CDC14B: variants seen among roughly 807,000 people sequenced by gnomAD.
CDC14B encodes the protein cell division cycle 14B.
A neutral mutation model predicts 64.2 loss-of-function variants in CDC14B; 22 were observed. That is an observed-to-expected ratio of 0.34 (90% CI 0.24 to 0.49). CDC14B has a LOEUF of 0.49. Ranked by LOEUF, CDC14B falls within the 20% of genes least tolerant of loss-of-function variation. CDC14B has a pLI of 0.99. For synonymous variants in CDC14B, 191 were observed against 215.8 expected, an observed-to-expected ratio of 0.89 and a Z score of 1.01; for missense variants, 498 against 629.9, an observed-to-expected ratio of 0.79 and a Z score of 2.24.
intron 1 of CDC14B, among the ~76,000 whole-genome samples, chr9:96,598,292 A>T (rs1311442400): frequency 1.3e-5 from 2 of 152,228 alleles, no homozygotes; most frequent in Admixed American, 6.5e-5. Context: ...GATTGGCAAA[A>T]ATCTAAAAGT....
intron 9 of CDC14B, among the ~76,000 whole-genome samples, chr9:96,530,257 C>A (rs530722272): frequency 6.6e-6 from 1 of 150,622 alleles, no homozygotes; most frequent in South Asian, 2.1e-4. Flanking sequence ...CTAGCAGGGG[C>A]TCTGTGTGTG....
chr9:96,609,606 G>T (rs1408611869), intron 1 of CDC14B, among the ~76,000 whole-genome samples: 1 of 152,168 alleles, frequency 6.6e-6, no homozygotes, highest in East Asian at 1.9e-4. Context: ...CGCAAAGAAT[G>T]ATTCAGCTGA....
chr9:96,618,643 AG>A, intron 1 of CDC14B: 2 of 525,914 alleles, frequency 3.8e-6, no homozygotes. Flanking sequence ...GGGGCGCGCT[AG>A]GGGGCAGGGC....
chr9:96,518,026 C>T (rs1032154186), intron 12 of CDC14B, among the ~76,000 whole-genome samples: 4 of 151,966 alleles, frequency 2.6e-5, no homozygotes, highest in Non-Finnish European at 2.9e-5. Flanking sequence ...AGGAAGGAAA[C>T]CTCCTCCCAT....
intron 9 of CDC14B, among the ~76,000 whole-genome samples, chr9:96,524,303 C>A (rs149447169): frequency 1.8e-4 from 28 of 152,322 alleles, no homozygotes; most frequent in Admixed American, 7.8e-4. Flanking sequence ...TTCCTAAAAT[C>A]TTCCAGATGA....
At chr9:96,552,792 G>A (rs545756933) in intron 4 of CDC14B, among the ~76,000 whole-genome samples, 24 of 152,174 alleles carry the variant, frequency 1.6e-4, no homozygotes, top group Non-Finnish European at 2.6e-4. Context: ...ACTAATGTAC[G>A]GAAGGTTGGG....
intron 1 of CDC14B, among the ~76,000 whole-genome samples, chr9:96,606,845 C>T (rs1846976949): frequency 1.3e-5 from 2 of 151,904 alleles, no homozygotes; most frequent in South Asian, 4.2e-4. Flanking sequence ...GGATTACAGG[C>T]GTGAGCCACC....
intron 1 of CDC14B, 132 bp downstream of exon 1, chr9:96,619,087 G>A: frequency 1.6e-6 from 1 of 621,858 alleles, no homozygotes; most frequent in Non-Finnish European, 2.2e-6. Context: ...CGGCCGGGGC[G>A]TTTAAGGGGG....
At chr9:96,526,376 A>G (rs1837567483) in intron 9 of CDC14B, among the ~76,000 whole-genome samples, 2 of 152,306 alleles carry the variant, frequency 1.3e-5, no homozygotes, top group African/African-American at 4.8e-5. Flanking sequence ...TCAAAAAAAT[A>G]AAAGAAAGAG....
chr9:96,531,258 C>T (rs1191545388), intron 9 of CDC14B, among the ~76,000 whole-genome samples: 2 of 152,098 alleles, frequency 1.3e-5, no homozygotes, highest in Non-Finnish European at 2.9e-5. Flanking sequence ...ACTGGTGATG[C>T]TATCATGTCC....
downstream of CDC14B, among the ~76,000 whole-genome samples, chr9:96,497,957 G>C (rs560770286): frequency 6.6e-6 from 1 of 152,286 alleles, no homozygotes; most frequent in African/African-American, 2.4e-5. Context: ...TACAGCAAAA[G>C]CTTTAACGTC....
chr9:96,596,039 T>C (rs536501597), intron 1 of CDC14B, among the ~76,000 whole-genome samples: 9 of 152,090 alleles, frequency 5.9e-5, no homozygotes, highest in African/African-American at 1.9e-4. Flanking sequence ...CTGCATGATA[T>C]GTGAATTAGA....
intron 12 of CDC14B, among the ~76,000 whole-genome samples, chr9:96,517,250 GAGA>G (rs2131425126): frequency 6.6e-6 from 1 of 151,678 alleles, no homozygotes; most frequent in African/African-American, 2.4e-5. Context: ...GTTGGGGCAG[GAGA>G]ATTGCTTGAG....
At chr9:96,570,130 C>T (rs1031185858) in intron 1 of CDC14B, among the ~76,000 whole-genome samples, 1 of 152,172 alleles carries the variant, frequency 6.6e-6, no homozygotes, top group Non-Finnish European at 1.5e-5. Context: ...TAAAATCCAT[C>T]CTTGGGCCTA....
chr9:96,545,738 G>A (rs1318559311), intron 5 of CDC14B, among the ~76,000 whole-genome samples: 1 of 145,014 alleles, frequency 6.9e-6, no homozygotes, highest in African/African-American at 2.5e-5. Context: ...AGAACCTACT[G>A]TGGGGCACAG....
At chr9:96,546,069 C>T (rs1000719685) in intron 5 of CDC14B, among the ~76,000 whole-genome samples, 5 of 152,264 alleles carry the variant, frequency 3.3e-5, no homozygotes, top group Admixed American at 3.3e-4. Flanking sequence ...AGAAACTGCA[C>T]AACAATGTCA....
intron 3 of CDC14B, among the ~76,000 whole-genome samples, chr9:96,564,372 G>A (rs1012455749): frequency 6.6e-6 from 1 of 152,150 alleles, no homozygotes; most frequent in African/African-American, 2.4e-5. Flanking sequence ...AAAGTAAGAT[G>A]AGTCCAGCTT....
chr9:96,599,949 C>T (rs951114981), intron 1 of CDC14B, among the ~76,000 whole-genome samples: 1 of 152,146 alleles, frequency 6.6e-6, no homozygotes, highest in African/African-American at 2.4e-5. Flanking sequence ...CCAGGATGCT[C>T]TCAATCTCTT....
intron 1 of CDC14B, among the ~76,000 whole-genome samples, chr9:96,603,648 G>A (rs1318102707): frequency 6.6e-6 from 1 of 152,144 alleles, no homozygotes; most frequent in Non-Finnish European, 1.5e-5. Context: ...TTTTATTATT[G>A]AATCTTGATC....
Sources: allele counts gnomAD v4.1 joint callset (sites outside exome capture counted in the v4.1 genomes callset), GRCh38; gene constraint gnomAD v4.1.1; transcripts MANE v1.5; gene names NCBI Gene and HGNC (gene_info 2026-07-23, HGNC 2026-07-21).